MYL10: variants seen among roughly 807,000 people sequenced by gnomAD.
MYL10 encodes myosin regulatory light chain 10.
Under a neutral mutation model 21.9 loss-of-function variants are expected in MYL10, and 18 were observed. That is an observed-to-expected ratio of 0.82 (90% confidence interval 0.57 to 1.22). The LOEUF (loss-of-function observed/expected upper bound fraction) is 1.22, where lower values mean the gene tolerates loss of function less well. Among genes scored for constraint, MYL10 ranks in the 50% most tolerant of loss-of-function variants. The probability of loss-of-function intolerance (pLI) is 0.00; values close to 1 mark genes in which losing one functional copy is unlikely to be tolerated. For missense variants in MYL10, 225 were observed against 230.4 expected (o/e 0.98, Z 0.15); for synonymous variants, 88 against 82.8 (o/e 1.06, Z -0.34).
intron 1 of MYL10, among the ~76,000 whole-genome samples, chr7:101,628,066 C>T (rs1475162110): frequency 6.6e-6 from 1 of 152,214 alleles, no homozygotes; most frequent in African/African-American, 2.4e-5. Flanking sequence ...TACCAATATG[C>T]CTATTATCAG....
chr7:101,618,958 CT>C (rs2130737897), intron 5 of MYL10, among the ~76,000 whole-genome samples: 1 of 152,328 alleles, frequency 6.6e-6, no homozygotes, highest in African/African-American at 2.4e-5. Flanking sequence ...TCCCCTTCCC[CT>C]GAGCACTCTT....
chr7:101,618,617 C>T (rs770373709), intron 5 of MYL10, among the ~76,000 whole-genome samples: 1 of 152,194 alleles, frequency 6.6e-6, no homozygotes, highest in Non-Finnish European at 1.5e-5. Flanking sequence ...ATAGAGTGGC[C>T]ACTTCCTCCC....
At chr7:101,625,625 C>A (rs949134120) in intron 1 of MYL10, among the ~76,000 whole-genome samples, 2 of 152,080 alleles carry the variant, frequency 1.3e-5, no homozygotes, top group East Asian at 3.9e-4. Flanking sequence ...GCAGAAGCGC[C>A]GGCTGACTTA....
intron 1 of MYL10, 37 bp from the exon 2 acceptor site, chr7:101,624,301 GCCTCGAGGGTCAGCCCCCA>G: frequency 2.0e-6 from 3 of 1,536,702 alleles, no homozygotes; most frequent in Non-Finnish European, 2.7e-6. Context: ...AGCGGCCCCT[GCCTCGAGGGTCAGCCCCCA>G]CCCCCTGTCT....
intron 1 of MYL10, among the ~76,000 whole-genome samples, chr7:101,625,363 G>A (rs1796731239): frequency 6.6e-6 from 1 of 152,216 alleles, no homozygotes; most frequent in African/African-American, 2.4e-5. Flanking sequence ...TCTCGATGGG[G>A]GAAAAGAATT....
chr7:101,621,152 C>A (rs551388097), intron 5 of MYL10, among the ~76,000 whole-genome samples: 1 of 152,008 alleles, frequency 6.6e-6, no homozygotes, highest in Non-Finnish European at 1.5e-5. Context: ...AGAGCTCCCC[C>A]GAGGCCAGGA....
intron 5 of MYL10, among the ~76,000 whole-genome samples, chr7:101,618,674 G>A (rs1009499426): frequency 3.3e-5 from 5 of 152,182 alleles, no homozygotes; most frequent in African/African-American, 9.6e-5. Context: ...CCCAATTAGC[G>A]GGGTGAGGCG....
At chr7:101,628,179 C>G (rs932419840) in intron 1 of MYL10, among the ~76,000 whole-genome samples, 3 of 152,168 alleles carry the variant, frequency 2.0e-5, no homozygotes, top group African/African-American at 7.2e-5. Context: ...ATGGGGTGGG[C>G]GCAGTGGCTC....
At chr7:101,625,004 G>A (rs548625583) in intron 1 of MYL10, among the ~76,000 whole-genome samples, 77 of 152,048 alleles carry the variant, frequency 5.1e-4, no homozygotes, top group African/African-American at 1.6e-3. Flanking sequence ...ATATCTGTGC[G>A]TCTGTGTCCT....
chr7:101,623,237 A>G (rs972626848), intron 3 of MYL10, among the ~76,000 whole-genome samples, 165 bp from the exon 4 acceptor site: 1 of 152,158 alleles, frequency 6.6e-6, no homozygotes, highest in East Asian at 1.9e-4. Flanking sequence ...TCAGGCTCAC[A>G]GCAACTCCAG....
At chr7:101,621,800 G>GGTCTC (rs1171131770) in intron 5 of MYL10, among the ~76,000 whole-genome samples, 1 of 152,120 alleles carries the variant, frequency 6.6e-6, no homozygotes, top group Non-Finnish European at 1.5e-5. Flanking sequence ...CACCCAGGCT[G>GGTCTC]GTCTCAAACT....
At chr7:101,617,807 CG>C (rs1562823804) in intron 5 of MYL10, among the ~76,000 whole-genome samples, 1 of 151,702 alleles carries the variant, frequency 6.6e-6, no homozygotes, top group Non-Finnish European at 1.5e-5. Context: ...TGTGTCTCCC[CG>C]ATCAGACTGG....
rs757267402 is a variant in MYL10, at chr7:101,616,277, A to G, written c.476T>C (p.Ile159Thr). 1 of 1,614,020 alleles carries G rather than the reference A, an allele frequency of 6.2e-7. No individual in the cohort carries two copies. Among genetic ancestry groups the G allele is most frequent in the African/African-American group, 1.3e-5 (1 of 74,928 alleles). ...KLKGTDPEETILHAFKVFDTE... is the reference protein window; with the variant it reads ...KLKGTDPEETTLHAFKVFDTE... Reference sequence around the variant, plus strand: ...GTCGAACACTTTGAAGGCGTGGAGAATGGTCTCCTCTGGGTCCGTGCCTAT... The same window carrying G: ...GTCGAACACTTTGAAGGCGTGGAGAGTGGTCTCCTCTGGGTCCGTGCCTAT... Residue 159 changes from isoleucine to threonine, a missense_variant, in exon 6 of 8, where the codon ATT (isoleucine) becomes ACT (threonine). Ile to Thr is a moderately conservative substitution (Grantham distance 89, BLOSUM62 -1). Transcript: ENST00000223167.
chr7:101,621,302 C>G (rs556468139), intron 5 of MYL10, among the ~76,000 whole-genome samples: 1 of 152,116 alleles, frequency 6.6e-6, no homozygotes, highest in Non-Finnish European at 1.5e-5. Flanking sequence ...GGGCAGGGGT[C>G]GTGACTCCTC....
Position 101,624,063 on chromosome 7 carries a change from G to A in MYL10, c.172-42C>T, listed in dbSNP as rs752357928. 8.4e-6 allele frequency: 6 copies of A among 711,692 alleles called. No homozygotes were observed. In the Admixed American group the frequency reaches 1.3e-4, roughly 16 times the overall value. 44.1% of individuals were successfully genotyped at this position (711,692 alleles called of 1,614,324 possible). A position where few individuals can be genotyped will look rare whatever the true frequency, so the allele number is the denominator to read the frequency against. ...TAATAATAATAATAATAGTAATAATGACATCTTCAGCCCCTCGAGACTGAG... is the reference window on the plus strand; with the variant it reads ...TAATAATAATAATAATAGTAATAATAACATCTTCAGCCCCTCGAGACTGAG... On this transcript the variant is annotated intron_variant, in intron 2 of 7. Transcript: ENST00000223167.
chr7:101,625,994 C>A (rs1483460068), intron 1 of MYL10, among the ~76,000 whole-genome samples: 1 of 148,066 alleles, frequency 6.8e-6, no homozygotes, highest in Non-Finnish European at 1.5e-5. Flanking sequence ...AGATCATTTT[C>A]TTTACAGCAC....
At position 101,624,202 on chromosome 7, in the gene MYL10, A is replaced by C; in HGVS notation, c.141T>G (p.Phe47Leu). ...TAAACTCCTGGATCTGGGACTGATC[A>C]AACATGGAGAAGACGTTGGAGCTGG... ...GTASSNVFSM[F>L]DQSQIQEFKE... is the part of the protein sequence containing the mutation. The change falls in exon 2 of 8, where the codon TTT (phenylalanine) becomes TTG (leucine). Residue 47 changes from phenylalanine to leucine, a missense_variant. By Grantham distance (22) the Phe-to-Leu change is conservative. Transcript: ENST00000223167. The C allele has an allele frequency of 6.2e-7, 1 of 1,613,750 alleles. No individual in the cohort carries two copies. The highest frequency in any genetic ancestry group is 8.5e-7 in the Non-Finnish European group (1 of 1,179,800).
In MYL10 at chr7:101,623,065, G is replaced by T; in HGVS notation, c.281C>A (p.Thr94Asn). 1 of 1,613,786 alleles carries T rather than the reference G, an allele frequency of 6.2e-7. No individual in the cohort carries two copies. Among genetic ancestry groups the T allele is most frequent in the Non-Finnish European group, 8.5e-7 (1 of 1,179,916 alleles). Residue 94 changes from threonine to asparagine, a missense_variant, in exon 4 of 8, where the codon ACC becomes AAC. Coordinates refer to ENST00000223167, the MANE Select transcript of MYL10 (RefSeq NM_138403.5). ...NSPASASQAF[T>N]IMDQNRDGFI... ...GCCATCACGGTTCTGGTCCATGATG[G>T]TGAAAGCCTGGCAGAGACACAGGTG... is the stretch of plus-strand genomic sequence containing the variant.
intron 1 of MYL10, 54 bp downstream of exon 1, chr7:101,628,987 C>G (rs1796777298): frequency 2.2e-6 from 1 of 450,530 alleles, no homozygotes; most frequent in Non-Finnish European, 4.4e-6. Context: ...GGTTAAGTCA[C>G]TCACCCAAGG....
Sources: allele counts gnomAD v4.1 joint callset (sites outside exome capture counted in the v4.1 genomes callset), GRCh38; gene constraint gnomAD v4.1.1; transcripts MANE v1.5; gene names NCBI Gene and HGNC (gene_info 2026-07-23, HGNC 2026-07-21).